ADGRV1: variants seen among roughly 807,000 people sequenced by gnomAD.
ADGRV1 encodes G-protein coupled receptor 98.
A neutral mutation model predicts 596.2 loss-of-function variants in ADGRV1; 359 were observed. The observed-to-expected ratio is 0.60, with a 90% CI of 0.55 to 0.66. The LOEUF (loss-of-function observed/expected upper bound fraction) is 0.66. Ranked by LOEUF, ADGRV1 falls within the 30% of genes least tolerant of loss-of-function variation. The pLI is 0.00. For synonymous variants in ADGRV1, 2,681 were observed against 2,679.2 expected, an observed-to-expected ratio of 1.00 and a Z score of -0.02; for missense variants, 7,274 against 7,575.6, an observed-to-expected ratio of 0.96 and a Z score of 1.48.
At position 90,644,769 on chromosome 5, in the gene ADGRV1, G is replaced by T; in HGVS notation, c.2798G>T (p.Ser933Ile). The change falls in exon 15 of 90, where the codon AGT (serine) becomes ATT (isoleucine). Residue 933 changes from serine (S) to isoleucine (I), a missense_variant. Ser to Ile is a moderately radical substitution (Grantham distance 142). This residue lies in a region of ADGRV1 where 1,715 missense variants were observed against 1,708.8 expected (regional missense o/e 1.00). Transcript: ENST00000405460. ...FGDVSVSWVV[S>I]PDFTQDVFPV... ...GATGTTAGTGTATCATGGGTGGTTA[G>T]TCCAGACTTTACACAAGATGTATTT... is the stretch of plus-strand genomic sequence containing the variant. 6.2e-7 allele frequency: 1 copy of T among 1,611,998 alleles called. No homozygotes were observed. The highest frequency in any genetic ancestry group is 8.5e-7 in the Non-Finnish European group (1 of 1,179,266).
At chr5:90,784,757 A>G (rs1759239395) in intron 67 of ADGRV1, among the ~76,000 whole-genome samples, 2 of 152,158 alleles carry the variant, frequency 1.3e-5, no homozygotes, top group South Asian at 4.1e-4. Flanking sequence ...CCATTGCTCA[A>G]TGAAATAAAA....
chr5:90,571,758 G>C (rs531656066), intron 1 of ADGRV1, among the ~76,000 whole-genome samples: 1 of 152,278 alleles, frequency 6.6e-6, no homozygotes, highest in East Asian at 1.9e-4. Flanking sequence ...TGGCTGCCAG[G>C]ATGCTGGTTT....
chr5:90,639,416 CT>C (rs1422421140), intron 11 of ADGRV1, among the ~76,000 whole-genome samples: 3 of 152,122 alleles, frequency 2.0e-5, no homozygotes, highest in Non-Finnish European at 4.4e-5. Context: ...CACTATCCAT[CT>C]GCAAATTGAT....
chr5:90,772,388 A>G (rs1478228800), intron 59 of ADGRV1, among the ~76,000 whole-genome samples: 2 of 152,044 alleles, frequency 1.3e-5, no homozygotes, highest in Non-Finnish European at 2.9e-5. Context: ...TCCATTTATT[A>G]TCACTTTTTT....
At chr5:90,957,111 A>C (rs1393315870) in intron 83 of ADGRV1, among the ~76,000 whole-genome samples, 1 of 152,200 alleles carries the variant, frequency 6.6e-6, no homozygotes, top group African/African-American at 2.4e-5. Context: ...GTGGCACATC[A>C]TCCAGGCAAT....
intron 85 of ADGRV1, among the ~76,000 whole-genome samples, chr5:91,058,678 G>GA (rs1344496016): frequency 6.6e-6 from 1 of 152,042 alleles, no homozygotes; most frequent in Admixed American, 6.6e-5. Context: ...GCCTCTTTTT[G>GA]AATGACCCAT....
intron 83 of ADGRV1, among the ~76,000 whole-genome samples, chr5:90,952,429 C>T (rs966769050): frequency 3.3e-5 from 5 of 152,088 alleles, no homozygotes; most frequent in African/African-American, 1.2e-4. Context: ...AGAGTACTAC[C>T]TTTGTGTTAA....
intron 1 of ADGRV1, among the ~76,000 whole-genome samples, chr5:90,592,646 C>T (rs1041909455): frequency 6.6e-6 from 1 of 152,150 alleles, no homozygotes; most frequent in African/African-American, 2.4e-5. Context: ...AAGAAACTAC[C>T]AGAGTGAACA....
At chr5:91,141,256 A>C (rs1437630478) in intron 87 of ADGRV1, among the ~76,000 whole-genome samples, 1 of 152,206 alleles carries the variant, frequency 6.6e-6, no homozygotes, top group East Asian at 1.9e-4. Flanking sequence ...AATCCTGCAG[A>C]CTTCTTTTAT....
chr5:90,826,833 A>G (rs1764116862), intron 76 of ADGRV1, among the ~76,000 whole-genome samples: 1 of 152,168 alleles, frequency 6.6e-6, no homozygotes, highest in Non-Finnish European at 1.5e-5. Context: ...TCAGATTATC[A>G]TCTCTACAGT....
At chr5:90,841,599 A>T (rs1765436639) in intron 78 of ADGRV1, among the ~76,000 whole-genome samples, 1 of 152,216 alleles carries the variant, frequency 6.6e-6, no homozygotes, top group Non-Finnish European at 1.5e-5. Flanking sequence ...AGAGCCTAAG[A>T]ATATAAATTT....
chr5:91,138,286 T>A (rs942546319), intron 87 of ADGRV1, among the ~76,000 whole-genome samples: 1 of 152,160 alleles, frequency 6.6e-6, no homozygotes, highest in African/African-American at 2.4e-5. Flanking sequence ...AAAGTTTATA[T>A]CCAAGCTGGA....
chr5:90,629,178 C>A, intron 8 of ADGRV1, 32 bp from the exon 9 acceptor site: 1 of 1,281,668 alleles, frequency 7.8e-7, no homozygotes. Context: ...TGCGAGAATT[C>A]TGTACTTTAA....
intron 85 of ADGRV1, among the ~76,000 whole-genome samples, chr5:91,020,642 G>A (rs1187041118): frequency 6.6e-6 from 1 of 151,998 alleles, no homozygotes; most frequent in Non-Finnish European, 1.5e-5. Context: ...CTAAGCATGT[G>A]TGAAAGACCC....
Position 90,810,290 on chromosome 5 carries a change from C to T in ADGRV1, c.15030C>T (p.Ser5010=). The T allele has an allele frequency of 6.2e-7, 1 of 1,602,548 alleles. No individual in the cohort carries two copies. Among genetic ancestry groups the T allele is most frequent in the Non-Finnish European group, 8.5e-7 (1 of 1,173,948 alleles). Residue 5010 remains serine, a synonymous_variant, in exon 74 of 90, where the codon AGC becomes AGT. Transcript: ENST00000405460. ...TGGGCGTCTTCCAATTTTCCACTAG[C>T]TCAAGAAATATCATAGTGTCAGAAG... ...EPMGVFQFST[S]SRNIIVSEDT... is the part of the protein sequence containing the mutation.
At chr5:91,150,670 C>A (rs928588747) in intron 88 of ADGRV1, among the ~76,000 whole-genome samples, 1 of 152,160 alleles carries the variant, frequency 6.6e-6, no homozygotes, top group African/African-American at 2.4e-5. Context: ...TCAATCCCAG[C>A]AAACAGAGAA....
chr5:90,920,828 C>T (rs1417961773), intron 83 of ADGRV1, among the ~76,000 whole-genome samples: 1 of 152,104 alleles, frequency 6.6e-6, no homozygotes, highest in Non-Finnish European at 1.5e-5. Context: ...TACTAAAATT[C>T]CTCTTCTAAA....
At chr5:90,972,596 A>G (rs1403995564) in intron 84 of ADGRV1, among the ~76,000 whole-genome samples, 1 of 152,236 alleles carries the variant, frequency 6.6e-6, no homozygotes, top group African/African-American at 2.4e-5. Context: ...CTGCTCCTGA[A>G]TGACTACTGG....
intron 85 of ADGRV1, among the ~76,000 whole-genome samples, chr5:91,041,345 A>G (rs796736805): frequency 2.6e-5 from 4 of 152,282 alleles, no homozygotes; most frequent in African/African-American, 9.6e-5. Context: ...AGGGACATGG[A>G]TGAAGCTGGA....
Sources: allele counts gnomAD v4.1 joint callset (sites outside exome capture counted in the v4.1 genomes callset), GRCh38; gene constraint gnomAD v4.1.1; regional missense constraint gnomAD v4.1.1; transcripts MANE v1.5; gene names NCBI Gene and HGNC (gene_info 2026-07-23, HGNC 2026-07-21).